ASIC2: variants seen among roughly 807,000 people sequenced by gnomAD.
ASIC2 encodes acid sensing ion channel subunit 2.
In ASIC2, 25 loss-of-function variants were observed where a neutral mutation model predicts 57.3. The ratio of observed to expected loss-of-function variants is 0.44; its 90% CI spans 0.32 to 0.61. The LOEUF is 0.61. ASIC2 is among the 20% of genes least tolerant of loss of function. The pLI, the probability that ASIC2 is intolerant of heterozygous loss-of-function variation, is 0.06. For missense variants in ASIC2, 641 were observed against 738.1 expected (o/e 0.87, Z 1.52); for synonymous variants, 319 against 307.5 (o/e 1.04, Z -0.39).
intron 1 of ASIC2, among the ~76,000 whole-genome samples, chr17:33,958,384 G>A (rs66500139): frequency 0.1 from 15,897 of 152,246 alleles, 990 homozygotes; most frequent in Middle Eastern, 0.17. Flanking sequence ...GGTTCTCCAT[G>A]AGGGCTCTGT....
intron 1 of ASIC2, among the ~76,000 whole-genome samples, chr17:34,150,402 T>TC (rs138055305): frequency 1.3e-5 from 2 of 152,076 alleles, no homozygotes; most frequent in Non-Finnish European, 2.9e-5. Context: ...GTTCTTACCA[T>TC]CCCCCCAAGA....
At chr17:33,712,304 G>A (rs935465551) in intron 1 of ASIC2, among the ~76,000 whole-genome samples, 27 of 152,152 alleles carry the variant, frequency 1.8e-4, no homozygotes, top group African/African-American at 6.5e-4. Flanking sequence ...TCACTGTTCT[G>A]GCCCCACAGC....
At chr17:33,974,512 G>T (rs1460819723) in intron 1 of ASIC2, among the ~76,000 whole-genome samples, 1 of 152,098 alleles carries the variant, frequency 6.6e-6, no homozygotes, top group South Asian at 2.1e-4. Flanking sequence ...ATGCTGCCCG[G>T]CAGGTGGACA....
chr17:33,068,336 T>A (rs1247788960), intron 3 of ASIC2, among the ~76,000 whole-genome samples: 6 of 152,000 alleles, frequency 3.9e-5, no homozygotes, highest in Admixed American at 3.9e-4. Flanking sequence ...GAGTTCGAGA[T>A]CATCCTGACC....
At chr17:33,750,543 C>T (rs1024171910) in intron 1 of ASIC2, among the ~76,000 whole-genome samples, 5 of 152,076 alleles carry the variant, frequency 3.3e-5, no homozygotes, top group African/African-American at 9.7e-5. Flanking sequence ...GACTTAGTGC[C>T]GAGGGCCCTA....
chr17:33,326,957 C>T (rs925959914), intron 1 of ASIC2, among the ~76,000 whole-genome samples: 2 of 152,200 alleles, frequency 1.3e-5, no homozygotes, highest in Admixed American at 6.5e-5. Flanking sequence ...CCAATTTGGG[C>T]ATGTACAAAT....
At chr17:33,830,837 G>C (rs10468592) in intron 1 of ASIC2, among the ~76,000 whole-genome samples, 123,117 of 151,840 alleles carry the variant, frequency 0.81, 50,271 homozygotes, top group African/African-American at 0.85. Context: ...CCTGCAGGGC[G>C]CGGTGGCTCA....
intron 1 of ASIC2, among the ~76,000 whole-genome samples, chr17:33,661,560 C>T (rs970337499): frequency 3.3e-5 from 5 of 152,178 alleles, no homozygotes; most frequent in African/African-American, 4.8e-5. Flanking sequence ...TATCTTATTC[C>T]TAGCCAAGTG....
chr17:33,696,429 C>A (rs967787057), intron 1 of ASIC2, among the ~76,000 whole-genome samples: 7 of 152,158 alleles, frequency 4.6e-5, no homozygotes, highest in African/African-American at 1.7e-4. Context: ...GTGTTTGACA[C>A]TTAAAGGGCT....
chr17:33,047,750 G>T (rs2091961049), intron 3 of ASIC2, among the ~76,000 whole-genome samples: 1 of 152,212 alleles, frequency 6.6e-6, no homozygotes. Flanking sequence ...TTGAGCCAGT[G>T]CTCTAGCCAG....
chr17:33,390,857 C>T (rs1421423318), intron 1 of ASIC2, among the ~76,000 whole-genome samples: 1 of 152,164 alleles, frequency 6.6e-6, no homozygotes, highest in African/African-American at 2.4e-5. Flanking sequence ...TCACTTTTGC[C>T]ATATTTTCTT....
rs375695905 is a variant in ASIC2 at position 33,827,337 on chromosome 17, C to CTTTTTTTTTTTTTTTTTTTTTTTTTTTTT, written c.555+328640_555+328641insAAAAAAAAAAAAAAAAAAAAAAAAAAAAA. On this transcript the variant is annotated intron_variant, in intron 1 of 9. Coordinates refer to the ASIC2 transcript ENST00000359872. ...GGACTAGGTCCTGTTGCAGCTCACT[C>CTTTTTTTTTTTTTTTTTTTTTTTTTTTTT]TTTTTTTTTTTTGAGACAGAGTCTT... is the stretch of plus-strand genomic sequence containing the variant. 2.9e-3 allele frequency among the ~76,000 whole-genome samples: 222 copies of CTTTTTTTTTTTTTTTTTTTTTTTTTTTTT among 76,496 alleles called. 69 individuals are homozygous for CTTTTTTTTTTTTTTTTTTTTTTTTTTTTT. The highest frequency in any genetic ancestry group is 3.6e-3 in the Non-Finnish European group (136 of 38,014). The allele number at this position is 76,496 out of a possible 152,430, so 50.2% of individuals were successfully genotyped here.
intron 1 of ASIC2, among the ~76,000 whole-genome samples, chr17:33,395,582 C>A (rs1229857622): frequency 6.6e-6 from 1 of 152,152 alleles, no homozygotes; most frequent in African/African-American, 2.4e-5. Flanking sequence ...CAAACCCTAT[C>A]ACCATCCATC....
chr17:33,381,039 G>A (rs1370121015), intron 1 of ASIC2, among the ~76,000 whole-genome samples: 2 of 152,234 alleles, frequency 1.3e-5, no homozygotes, highest in South Asian at 2.1e-4. Flanking sequence ...CACAGTTCGA[G>A]ATGGCAGGGT....
At chr17:33,786,545 T>C (rs1277310457) in intron 1 of ASIC2, among the ~76,000 whole-genome samples, 1 of 151,346 alleles carries the variant, frequency 6.6e-6, no homozygotes, top group African/African-American at 2.5e-5. Flanking sequence ...AATATTTTAA[T>C]CTTAGAGTAA....
intron 1 of ASIC2, among the ~76,000 whole-genome samples, chr17:33,663,048 C>T (rs994152357): frequency 6.6e-6 from 1 of 152,162 alleles, no homozygotes; most frequent in Non-Finnish European, 1.5e-5. Context: ...CACTCGCATG[C>T]GCCTGCACGC....
chr17:33,446,849 C>A (rs1354547560), intron 1 of ASIC2, among the ~76,000 whole-genome samples: 3 of 152,184 alleles, frequency 2.0e-5, no homozygotes, highest in African/African-American at 7.2e-5. Flanking sequence ...TTAGTCGTGG[C>A]ATGGTCTTGA....
intron 1 of ASIC2, among the ~76,000 whole-genome samples, chr17:33,661,218 C>T (rs928561325): frequency 2.0e-5 from 3 of 152,198 alleles, no homozygotes; most frequent in African/African-American, 4.8e-5. Context: ...GCACCCTGTG[C>T]TAACTTGGGC....
intron 1 of ASIC2, among the ~76,000 whole-genome samples, chr17:33,170,550 G>T (rs959089869): frequency 1.1e-4 from 17 of 152,256 alleles, no homozygotes; most frequent in Non-Finnish European, 2.2e-4. Context: ...CTGCAGCATT[G>T]CCCGTCCCTT....
Sources: allele counts gnomAD v4.1 joint callset (sites outside exome capture counted in the v4.1 genomes callset), GRCh38; gene constraint gnomAD v4.1.1; transcripts MANE v1.5; gene names NCBI Gene and HGNC (gene_info 2026-07-23, HGNC 2026-07-21).